The following COL24A1 variants were observed in gnomAD, a reference collection of about 807,000 sequenced individuals.
The protein encoded by COL24A1 is collagen alpha-1(XXIV) chain.
In COL24A1, 224 loss-of-function variants were observed where a neutral mutation model predicts 253.9. The observed-to-expected ratio is 0.88, with a 90% CI of 0.79 to 0.99. The LOEUF (loss-of-function observed/expected upper bound fraction) is 0.99, where lower values mean the gene tolerates loss of function less well. Ranked by LOEUF, COL24A1 falls within the 50% of genes least tolerant of loss-of-function variation. The probability of loss-of-function intolerance (pLI) is 0.00; values close to 1 mark genes in which losing one functional copy is unlikely to be tolerated. For missense variants in COL24A1, 2,131 were observed against 2,068.5 expected, an observed-to-expected ratio of 1.03 and a Z score of -0.59; for synonymous variants, 685 against 673.7, an observed-to-expected ratio of 1.02 and a Z score of -0.26.
intron 12 of COL24A1, among the ~76,000 whole-genome samples, chr1:86,046,531 T>C (rs532425841): frequency 8.5e-5 from 13 of 152,308 alleles, no homozygotes; most frequent in African/African-American, 3.1e-4. Context: ...ATTTGTGTTT[T>C]AAGTTCTTCA....
intron 12 of COL24A1, among the ~76,000 whole-genome samples, chr1:86,034,555 T>A (rs533420018): frequency 4.6e-5 from 7 of 152,150 alleles, no homozygotes; most frequent in Non-Finnish European, 1.0e-4. Flanking sequence ...AACTATGCTA[T>A]ACTGAATACT....
intron 53 of COL24A1, among the ~76,000 whole-genome samples, chr1:85,765,620 A>T (rs768135057): frequency 1.3e-5 from 2 of 151,894 alleles, no homozygotes; most frequent in Non-Finnish European, 2.9e-5. Context: ...ACGCACCTGT[A>T]GTCCTAGCTA....
Position 85,734,830 on chromosome 1 carries a change from A to T in COL24A1, c.4917T>A (p.Pro1639=). ...GGCCATTCCATCCCTTGAAACCAATAGGCAATCCTGGGCCACTTGTTTGTG... is the reference window on the plus strand; with the variant it reads ...GGCCATTCCATCCCTTGAAACCAATTGGCAATCCTGGGCCACTTGTTTGTG... ...TSTQTSGPGL[P]IGFKGWNGQI... Residue 1639 remains proline, a synonymous_variant, in exon 59 of 60, where the codon CCT becomes CCA. Transcript: ENST00000370571. The T allele has an allele frequency of 6.2e-7, 1 of 1,614,198 alleles. No homozygotes were observed. Among genetic ancestry groups the T allele is most frequent in the Non-Finnish European group, 8.5e-7 (1 of 1,180,032 alleles).
chr1:86,016,779 C>T (rs573030264), intron 19 of COL24A1, among the ~76,000 whole-genome samples: 6 of 152,074 alleles, frequency 3.9e-5, no homozygotes, highest in Non-Finnish European at 8.8e-5. Flanking sequence ...TTTTAGAATA[C>T]TGTATGAGAT....
intron 31 of COL24A1, among the ~76,000 whole-genome samples, chr1:85,893,169 T>C (rs563828552): frequency 8.2e-4 from 125 of 152,270 alleles, no homozygotes; most frequent in African/African-American, 2.8e-3. Flanking sequence ...ATATGCCATG[T>C]AAGCAGCAAG....
rs1269485066 is a variant in COL24A1 at position 85,744,679 on chromosome 1, T to G, written c.4659A>C (p.Gln1553His). 2 of 1,605,958 alleles carry G rather than the reference T, an allele frequency of 1.2e-6. No homozygotes were observed. Among genetic ancestry groups the G allele is most frequent in the South Asian group, 2.2e-5 (2 of 89,346 alleles). Residue 1553 changes from glutamine (Q) to histidine (H), a missense_variant, in exon 57 of 60, where the codon CAA (glutamine) becomes CAC (histidine). Gln to His is a conservative substitution (Grantham distance 24). Transcript: ENST00000370571. ...CCAAGAACTTACCATCTGATACTTT[T>G]TGTTCACAGTTAAGTAAATCTTTGC... ...RICKDLLNCE[Q>H]KVSDGKYWID...
At chr1:85,878,292 T>C (rs1004902821) in intron 32 of COL24A1, among the ~76,000 whole-genome samples, 8 of 152,184 alleles carry the variant, frequency 5.3e-5, no homozygotes, top group Non-Finnish European at 8.8e-5. Flanking sequence ...GCTTCATAGA[T>C]GGTGCCTTCT....
At chr1:86,068,156 C>G (rs1701625778) in intron 7 of COL24A1, among the ~76,000 whole-genome samples, 3 of 152,212 alleles carry the variant, frequency 2.0e-5, no homozygotes, top group Admixed American at 1.3e-4. Context: ...TAACAACTAT[C>G]CACACACAGA....
intron 7 of COL24A1, among the ~76,000 whole-genome samples, chr1:86,079,576 G>C (rs1702491343): frequency 6.6e-6 from 1 of 152,114 alleles, no homozygotes; most frequent in South Asian, 2.1e-4. Flanking sequence ...TGAATAACTA[G>C]AATGTAGAAG....
At chr1:86,140,510 G>C (rs1433879458) in intron 2 of COL24A1, among the ~76,000 whole-genome samples, 1 of 152,204 alleles carries the variant, frequency 6.6e-6, no homozygotes, top group Non-Finnish European at 1.5e-5. Flanking sequence ...TGAAGTTACT[G>C]CAGCTACAAT....
chr1:85,826,642 T>A (rs1674385263), intron 43 of COL24A1, among the ~76,000 whole-genome samples: 1 of 151,712 alleles, frequency 6.6e-6, no homozygotes, highest in South Asian at 2.1e-4. Context: ...GTCCTTCACA[T>A]CCCTTGTAAG....
At chr1:85,903,367 A>T (rs1684505529) in intron 28 of COL24A1, among the ~76,000 whole-genome samples, 1 of 152,192 alleles carries the variant, frequency 6.6e-6, no homozygotes, top group South Asian at 2.1e-4. Context: ...AACATCTTTA[A>T]ATTTCACGCT....
At chr1:85,919,594 G>A (rs531361939) in intron 24 of COL24A1, among the ~76,000 whole-genome samples, 103 of 152,328 alleles carry the variant, frequency 6.8e-4, no homozygotes, top group Non-Finnish European at 9.4e-4. Context: ...TGAGGCGGGA[G>A]GCTTGAGCCC....
chr1:86,067,899 TTTC>T (rs1701608047), intron 7 of COL24A1, among the ~76,000 whole-genome samples: 1 of 152,192 alleles, frequency 6.6e-6, no homozygotes, highest in Non-Finnish European at 1.5e-5. Context: ...AACAAAAAAG[TTTC>T]CATAACTAGC....
chr1:85,951,943 T>A (rs898791636), intron 24 of COL24A1, among the ~76,000 whole-genome samples: 5 of 152,162 alleles, frequency 3.3e-5, no homozygotes, highest in African/African-American at 1.2e-4. Context: ...AAATCCAGAT[T>A]TCAATCAATT....
At chr1:86,152,049 G>A (rs955285108) in intron 1 of COL24A1, among the ~76,000 whole-genome samples, 28 of 152,232 alleles carry the variant, frequency 1.8e-4, no homozygotes, top group Non-Finnish European at 3.5e-4. Context: ...TACTAAGATC[G>A]AGAAATAGTA....
intron 1 of COL24A1, chr1:86,155,066 C>G (rs1307617582): frequency 6.6e-6 from 1 of 152,350 alleles, no homozygotes; most frequent in Admixed American, 6.5e-5. Context: ...CAGAGCTTGA[C>G]CTCTACTCGC....
chr1:86,083,247 G>A (rs977142915), intron 7 of COL24A1, among the ~76,000 whole-genome samples: 2 of 151,798 alleles, frequency 1.3e-5, no homozygotes, highest in African/African-American at 2.4e-5. Flanking sequence ...GCAGTGAGCC[G>A]AGATTGCACC....
At position 85,970,224 on chromosome 1, in the gene COL24A1, T is replaced by C; in HGVS notation, c.2463+3A>G. 6.3e-7 allele frequency: 1 copy of C among 1,588,206 alleles called. No individual in the cohort carries two copies. Among genetic ancestry groups the C allele is most frequent in the Non-Finnish European group, 8.6e-7 (1 of 1,168,716 alleles). On this transcript the variant is annotated splice_donor_region_variant and intron_variant, in intron 22 of 59. Transcript: ENST00000370571. ...TATGGAAAATTATTTATATGATACC[T>C]ACTCTTGGCCCCAGTTCCCCAAAGG...
Sources: allele counts gnomAD v4.1 joint callset (sites outside exome capture counted in the v4.1 genomes callset), GRCh38; gene constraint gnomAD v4.1.1; transcripts MANE v1.5; gene names NCBI Gene and HGNC (gene_info 2026-07-23, HGNC 2026-07-21).